The following KLHDC2 variants were observed in gnomAD, a reference collection of about 807,000 sequenced individuals.
The protein encoded by KLHDC2 is kelch domain containing 2.
In KLHDC2, 38 loss-of-function variants were observed where a neutral mutation model predicts 62.3. The ratio of observed to expected loss-of-function variants is 0.61; its 90% CI spans 0.47 to 0.80. The LOEUF is 0.80. Among genes scored for constraint, KLHDC2 ranks in the 30% least tolerant of loss-of-function variants. The probability of loss-of-function intolerance (pLI) is 0.00; values close to 1 mark genes in which losing one functional copy is unlikely to be tolerated. For missense variants in KLHDC2, 430 were observed against 495.3 expected (o/e 0.87, Z 1.25); for synonymous variants, 159 against 161.0 (o/e 0.99, Z 0.09).
At position 49,778,392 on chromosome 14, in the gene KLHDC2, G is replaced by A. The variant is rs751158859; in HGVS notation, c.550-19G>A. 25 of 1,440,702 alleles carry A rather than the reference G, an allele frequency of 1.7e-5. No homozygotes were observed. Among genetic ancestry groups the A allele is most frequent in the East Asian group, 4.5e-5 (2 of 44,032 alleles). 89.2% of individuals were successfully genotyped at this position (1,440,702 alleles called of 1,614,324 possible). On this transcript the variant is annotated intron_variant, in intron 5 of 12. Coordinates refer to ENST00000298307, the MANE Select transcript of KLHDC2 (RefSeq NM_014315.3). The stretch of plus-strand genomic sequence containing the variant: ...ATAAATATCATTTCTAAAATAACGC[G>A]GATTCTTATTTTCTGTAGAATTCAA...
At position 49,771,683 on chromosome 14, in the gene KLHDC2, G is replaced by C. The variant is rs148919126; in HGVS notation, c.233+10G>C. 7.5e-4 allele frequency: 1,018 copies of C among 1,361,622 alleles called. 7 individuals are homozygous for C. The African/African-American group carries it at 0.012, about 15-fold the overall frequency. 84.3% of individuals were successfully genotyped at this position (1,361,622 alleles called of 1,614,324 possible). ...TGGAGACTGGAAGATGGTAAATGTGGATATTATAAGGGGGACTAAAAAATT... is the reference window on the plus strand; with the variant it reads ...TGGAGACTGGAAGATGGTAAATGTGCATATTATAAGGGGGACTAAAAAATT... On this transcript the variant is annotated intron_variant, in intron 2 of 12. Transcript: ENST00000298307.
chr14:49,784,477 T>G lies in KLHDC2; in HGVS notation c.*1524T>G, dbSNP rs535056227. ...AGACAGTGTTTCCTCTATATAAAAC[T>G]GGGAAAAAACAAGAAGTAAGTCCTT... On this transcript the variant is annotated 3_prime_UTR_variant, in exon 13 of 13. Coordinates refer to ENST00000298307, the MANE Select transcript of KLHDC2 (RefSeq NM_014315.3). The G allele has an allele frequency of 6.9e-6, 4 of 583,500 alleles. No homozygotes were observed. The African/African-American group carries it at 7.6e-5, about 11-fold the overall frequency. The allele number at this position is 583,500 out of a possible 1,614,324, so 36.1% of individuals were successfully genotyped here.
chr14:49,782,827 C>T lies in KLHDC2; in HGVS notation c.1098-3C>T, dbSNP rs1889972135. ...ACTTTTCTCTTTCCTTGTCCACTTT[C>T]AGGCTAAGCTTAGAAGCAGTCATTT... On this transcript the variant is annotated splice_polypyrimidine_tract_variant and splice_region_variant and intron_variant, in intron 12 of 12. Coordinates refer to ENST00000298307, the MANE Select transcript of KLHDC2 (RefSeq NM_014315.3). 3.1e-6 allele frequency: 5 copies of T among 1,610,812 alleles called. No homozygotes were observed. The African/African-American group carries it at 6.7e-5, about 22-fold the overall frequency.
chr14:49,774,792 G>A (rs1388088154), intron 3 of KLHDC2, 114 bp downstream of exon 3: 1 of 767,356 alleles, frequency 1.3e-6, no homozygotes, highest in Non-Finnish European at 2.4e-6. Context: ...TAAAAATGAT[G>A]TGTACTTGAT....
At chr14:49,771,347 TA>T (rs34165615) in intron 1 of KLHDC2, among the ~76,000 whole-genome samples, 324 of 141,314 alleles carry the variant, frequency 2.3e-3, no homozygotes, top group Non-Finnish European at 2.3e-3. Context: ...AGACTTGGAC[TA>T]AAAAAAAAAA....
intron 3 of KLHDC2, chr14:49,774,959 T>A: frequency 2.8e-6 from 1 of 359,090 alleles, no homozygotes; most frequent in Non-Finnish European, 5.0e-6. Flanking sequence ...GAACCTTAAA[T>A]GTTAGATGAA....
chr14:49,771,561 AG>A (rs1452714456), intron 1 of KLHDC2, 32 bp from the exon 2 acceptor site: 1 of 922,114 alleles, frequency 1.1e-6, no homozygotes, highest in African/African-American at 1.7e-5. Flanking sequence ...TTAAAATACC[AG>A]TTTTTATATT....
intron 3 of KLHDC2, 129 bp from the exon 4 acceptor site, chr14:49,777,710 A>C (rs1285279256): frequency 1.8e-6 from 1 of 563,560 alleles, no homozygotes; most frequent in African/African-American, 1.9e-5. Flanking sequence ...TCTGGCAGCC[A>C]GTCTGCAGTC....
intron 2 of KLHDC2, among the ~76,000 whole-genome samples, chr14:49,773,733 C>T (rs1259777707): frequency 6.6e-6 from 1 of 151,644 alleles, no homozygotes; most frequent in South Asian, 2.1e-4. Context: ...CCCGCCACCA[C>T]GCCTGGCTAA....
In KLHDC2 at chr14:49,780,137, T is replaced by C. The variant is rs1441163707; in HGVS notation, c.774-76T>C. ...TCTCTTTTTTCATAACATGTACATA[T>C]AAATTTTAAAAGAAAACTTAAAAAT... On this transcript the variant is annotated intron_variant, in intron 8 of 12. Transcript: ENST00000298307. 5 of 962,204 alleles carry C rather than the reference T, an allele frequency of 5.2e-6. No individual in the cohort carries two copies. In the African/African-American group the frequency reaches 6.6e-5, roughly 13 times the overall value. 59.6% of individuals were successfully genotyped at this position (962,204 alleles called of 1,614,324 possible). A position where few individuals can be genotyped will look rare whatever the true frequency, so the allele number is the denominator to read the frequency against.
rs754917189 is a variant in KLHDC2, at chr14:49,783,418, CA to C, written c.*468del. 2 of 151,602 alleles carry C rather than the reference CA, an allele frequency of 1.3e-5. No homozygotes were observed. Among genetic ancestry groups the C allele is most frequent in the East Asian group, 3.9e-4 (2 of 5,178 alleles). 9.4% of individuals were successfully genotyped at this position (151,602 alleles called of 1,614,324 possible). Reference sequence around the variant, plus strand: ...TCACATTATGACGAAGCTGGAAAAACAAAGTGTGGAGGGACCAACAACTGTT... The same window carrying C: ...TCACATTATGACGAAGCTGGAAAAACAAGTGTGGAGGGACCAACAACTGTT... On this transcript the variant is annotated 3_prime_UTR_variant, in exon 13 of 13. Coordinates refer to ENST00000298307, the MANE Select transcript of KLHDC2 (RefSeq NM_014315.3).
chr14:49,782,097 T>C, intron 10 of KLHDC2: 1 of 385,202 alleles, frequency 2.6e-6, no homozygotes, highest in East Asian at 4.2e-5. Flanking sequence ...ATACGATTTT[T>C]ATTGCTAACA....
chr14:49,775,154 A>C (rs1889744143), intron 3 of KLHDC2, among the ~76,000 whole-genome samples: 1 of 152,226 alleles, frequency 6.6e-6, no homozygotes, highest in Non-Finnish European at 1.5e-5. Context: ...TTTTGTTCCA[A>C]GTAGGAAAAA....
In KLHDC2 at chr14:49,778,216, A is replaced by G; in HGVS notation, c.506A>G (p.Asp169Gly). 1.2e-6 allele frequency: 2 copies of G among 1,609,738 alleles called. No homozygotes were observed. Among genetic ancestry groups the G allele is most frequent in the Non-Finnish European group, 1.7e-6 (2 of 1,178,138 alleles). The change falls in exon 5 of 13, where the codon GAT becomes GGT. Residue 169 changes from aspartate (D) to glycine (G), a missense_variant. By Grantham distance (94) the Asp-to-Gly change is moderately conservative (BLOSUM62 -1). Transcript: ENST00000298307. ...FFGGYGYLPE[D>G]KVLGTFEFDE... ...GGAGGGTATGGATATTTGCCTGAAG[A>G]TAAAGTATTGGGAACTTTTGAATTC...
At chr14:49,780,814 C>A in intron 10 of KLHDC2, 39 bp downstream of exon 10, 2 of 1,085,066 alleles carry the variant, frequency 1.8e-6, no homozygotes, top group Non-Finnish European at 2.9e-6. Flanking sequence ...ATGCATAAGA[C>A]ATAAGAATTG....
chr14:49,777,369 A>C (rs1287439693), intron 3 of KLHDC2, among the ~76,000 whole-genome samples: 2 of 152,138 alleles, frequency 1.3e-5, no homozygotes, highest in Non-Finnish European at 2.9e-5. Context: ...ATGTAACCAA[A>C]CACCACCTGT....
rs540644772 is a variant in KLHDC2, at chr14:49,773,135, C to T, written c.234-1426C>T. 1.0e-3 allele frequency among the ~76,000 whole-genome samples: 151 copies of T among 151,120 alleles called. 1 individual carries two copies. Among genetic ancestry groups the T allele is most frequent in the African/African-American group, 1.6e-3 (64 of 41,162 alleles). On this transcript the variant is annotated intron_variant, in intron 2 of 12. Coordinates refer to ENST00000298307, the MANE Select transcript of KLHDC2 (RefSeq NM_014315.3). ...TTTTTAAAGATAATTTTTAAGGGGC[C>T]GGGCACGGTGGCTCACACCTGTAAT... is the stretch of plus-strand genomic sequence containing the variant.
chr14:49,773,271 G>A (rs1478516563), intron 2 of KLHDC2, among the ~76,000 whole-genome samples: 15 of 150,782 alleles, frequency 9.9e-5, no homozygotes, highest in South Asian at 2.1e-4. Flanking sequence ...AAAATTAGCC[G>A]GGCGTGGAGG....
chr14:49,779,483 C>CAACTTTT (rs1194957028), intron 6 of KLHDC2, 112 bp from the exon 7 acceptor site: 2 of 726,768 alleles, frequency 2.8e-6, no homozygotes, highest in African/African-American at 3.6e-5. Flanking sequence ...TCTACACTCC[C>CAACTTTT]AACTTTTAAA....
Sources: gnomAD v4.1 joint callset for allele counts (sites outside exome capture counted in the v4.1 genomes callset) on GRCh38, gnomAD v4.1.1 for gene constraint, MANE v1.5 for transcripts, NCBI Gene and HGNC (gene_info 2026-07-23, HGNC 2026-07-21) for gene names.